KDM4B: variants seen among roughly 807,000 people sequenced by gnomAD.
KDM4B encodes the protein lysine demethylase 4B, also known as lysine-specific demethylase 4B.
KDM4B carries 32 observed loss-of-function variants against 125.2 expected under a neutral mutation model. The observed-to-expected ratio is 0.26, with a 90% CI of 0.19 to 0.34. The LOEUF (loss-of-function observed/expected upper bound fraction) is 0.34, where lower values mean the gene tolerates loss of function less well. KDM4B is among the 10% of genes least tolerant of loss of function. The probability of loss-of-function intolerance (pLI) is 1.00; values close to 1 mark genes in which losing one functional copy is unlikely to be tolerated. For missense variants in KDM4B, 1,190 were observed against 1,577.7 expected, an observed-to-expected ratio of 0.75 and a Z score of 4.16; for synonymous variants, 721 against 677.9, an observed-to-expected ratio of 1.06 and a Z score of -0.99.
intron 21 of KDM4B, among the ~76,000 whole-genome samples, chr19:5,146,751 A>ACCCC (rs775578381): frequency 1.2e-4 from 4 of 32,012 alleles, no homozygotes; most frequent in African/African-American, 3.9e-4. Flanking sequence ...ACAAAGTGAG[A>ACCCC]CCCCCCCCCC....
intron 1 of KDM4B, among the ~76,000 whole-genome samples, chr19:4,985,315 C>T (rs1231870715): frequency 6.6e-6 from 1 of 152,114 alleles, no homozygotes; most frequent in Non-Finnish European, 1.5e-5. Context: ...CAGAGCGAGA[C>T]TCCGTCTCTT....
At chr19:5,137,375 A>G in intron 16 of KDM4B, 37 bp downstream of exon 16, 1 of 1,533,344 alleles carries the variant, frequency 6.5e-7, no homozygotes, top group Non-Finnish European at 8.8e-7. Flanking sequence ...GTGCTCTGAG[A>G]GGCCTGGGCC....
intron 18 of KDM4B, among the ~76,000 whole-genome samples, chr19:5,139,539 C>G (rs760785555): frequency 2.0e-5 from 3 of 152,172 alleles, no homozygotes; most frequent in African/African-American, 7.2e-5. Flanking sequence ...CCCATCCGCA[C>G]CCCCCGGGTG....
intron 11 of KDM4B, among the ~76,000 whole-genome samples, chr19:5,130,675 C>T (rs2039526396): frequency 2.0e-5 from 3 of 152,376 alleles, no homozygotes; most frequent in East Asian, 1.9e-4. Flanking sequence ...TCCCCCACCT[C>T]CACCGGGAAA....
At chr19:5,077,181 A>G in intron 7 of KDM4B, 186 bp from the exon 8 acceptor site, 1 of 623,566 alleles carries the variant, frequency 1.6e-6, no homozygotes, top group East Asian at 2.7e-5. Flanking sequence ...GCTCCTGCGC[A>G]TCTCCTTCCC....
chr19:5,134,096 C>G, intron 14 of KDM4B, 35 bp downstream of exon 14: 5 of 1,554,272 alleles, frequency 3.2e-6, no homozygotes, highest in Non-Finnish European at 4.3e-6. Context: ...CCAGAGAACC[C>G]CAGGCAGGGG....
intron 6 of KDM4B, among the ~76,000 whole-genome samples, chr19:5,052,885 GGGGTCCCACCAGCAGTGGGGACCTA>G (rs1468977077): frequency 2.6e-5 from 4 of 152,204 alleles, no homozygotes; most frequent in African/African-American, 4.8e-5. Context: ...CGGGACCCGG[GGGGTCCCACCAGCAGTGGGGACCTA>G]GGGTCCCAGT....
rs1180065400 is a variant in KDM4B, at chr19:4,997,749, C to G, written c.-108-18508C>G. Among the ~76,000 whole-genome samples, 1 of 152,226 alleles carries G rather than the reference C, an allele frequency of 6.6e-6. No individual in the cohort carries two copies. The highest frequency in any genetic ancestry group is 1.9e-4 in the East Asian group (1 of 5,188). On this transcript the variant is annotated intron_variant, in intron 1 of 22. Coordinates refer to ENST00000159111, the MANE Select transcript of KDM4B (RefSeq NM_015015.3). The surrounding 1 kb of genome is among the most constrained non-coding windows in gnomAD (Gnocchi z 4.2). ...TCATGCCTGCATGGGGGCTCCAGGA[C>G]CTCGTCATCAGCCTCTTCATCCTTA...
At chr19:5,002,097 A>G (rs995736852) in intron 1 of KDM4B, among the ~76,000 whole-genome samples, 5 of 151,730 alleles carry the variant, frequency 3.3e-5, no homozygotes, top group Non-Finnish European at 7.4e-5. Context: ...TCCCAGGTTC[A>G]AGCAATTCTC....
At chr19:5,119,034 G>A (rs1338276468) in intron 10 of KDM4B, 1 of 776,804 alleles carries the variant, frequency 1.3e-6, no homozygotes, top group African/African-American at 1.7e-5. Context: ...GGGAGTTGGG[G>A]ACAGAGCCAG....
chr19:5,088,354 C>T lies in KDM4B; in HGVS notation c.918+5850C>T, dbSNP rs951476491. Among the ~76,000 whole-genome samples the T allele has an allele frequency of 4.6e-5, 7 of 152,162 alleles. No homozygotes were observed. The East Asian group carries it at 9.6e-4, about 21-fold the overall frequency. ...GGGAGGTGAGTGTAAAAATGCGGCC[C>T]GGGCTTTGTCTCCAACTCCCCCCGT... is the stretch of plus-strand genomic sequence containing the variant. On this transcript the variant is annotated intron_variant, in intron 9 of 22. Transcript: ENST00000159111.
intron 2 of KDM4B, among the ~76,000 whole-genome samples, chr19:5,021,155 AAAG>A (rs2036107218): frequency 6.0e-5 from 1 of 16,692 alleles, no homozygotes; most frequent in Non-Finnish European, 1.2e-4. Flanking sequence ...AAAAAAAAAA[AAAG>A]AAAGAAAACA....
chr19:5,129,214 C>T (rs2039501979), intron 11 of KDM4B, among the ~76,000 whole-genome samples: 1 of 152,088 alleles, frequency 6.6e-6, no homozygotes, highest in Non-Finnish European at 1.5e-5. Context: ...GCCGCCTCCA[C>T]TCCTGGGGGA....
At position 5,047,533 on chromosome 19, in the gene KDM4B, G is replaced by A; in HGVS notation, c.490G>A (p.Glu164Lys). 3.7e-6 allele frequency: 6 copies of A among 1,613,804 alleles called. No homozygotes were observed. The highest frequency in any genetic ancestry group is 2.5e-6 in the Non-Finnish European group (3 of 1,179,884). ...GACCATCCTGGACATGGTGGAGCGC[G>A]AGTGCGGCACCATCATCGAGGGCGT... Reference protein sequence around the residue: ...LRTILDMVERECGTIIEGVNT... With the variant: ...LRTILDMVERKCGTIIEGVNT... The change falls in exon 6 of 23, where the codon GAG becomes AAG. Residue 164 changes from glutamate to lysine, a missense_variant. Transcript: ENST00000159111.
chr19:5,119,474 G>A (rs1003883220), intron 10 of KDM4B, among the ~76,000 whole-genome samples, 179 bp from the exon 11 acceptor site: 3 of 152,152 alleles, frequency 2.0e-5, no homozygotes, highest in Non-Finnish European at 2.9e-5. Flanking sequence ...CTCCTGCCCC[G>A]CAAGAGCAGA....
chr19:5,021,354 C>A (rs932066174), intron 2 of KDM4B, among the ~76,000 whole-genome samples: 14 of 152,092 alleles, frequency 9.2e-5, no homozygotes, highest in Non-Finnish European at 2.1e-4. Flanking sequence ...TTTGGGAGGC[C>A]AAGGCGGGTG....
intron 9 of KDM4B, among the ~76,000 whole-genome samples, chr19:5,096,005 T>C (rs2038814798): frequency 6.6e-6 from 1 of 152,030 alleles, no homozygotes; most frequent in African/African-American, 2.4e-5. Flanking sequence ...AGGGAGCTTG[T>C]TTTAGGAGGA....
chr19:5,134,631 A>G (rs2039616597), intron 14 of KDM4B, among the ~76,000 whole-genome samples: 1 of 152,150 alleles, frequency 6.6e-6, no homozygotes, highest in African/African-American at 2.4e-5. Context: ...CTGGGCATGC[A>G]GCCTCCCCAG....
chr19:5,094,005 G>A (rs540402344), intron 9 of KDM4B, among the ~76,000 whole-genome samples: 13 of 152,362 alleles, frequency 8.5e-5, no homozygotes, highest in African/African-American at 3.1e-4. Flanking sequence ...AGATGGGTGT[G>A]TGGCGGGCCG....
Sources: allele counts gnomAD v4.1 joint callset (sites outside exome capture counted in the v4.1 genomes callset), GRCh38; gene constraint gnomAD v4.1.1; non-coding constraint Gnocchi (gnomAD v3.1); transcripts MANE v1.5; gene names NCBI Gene and HGNC (gene_info 2026-07-23, HGNC 2026-07-21).